Variants in C7 observed in about 807,000 individuals in gnomAD.
C7 encodes complement C7.
A neutral mutation model predicts 104.8 loss-of-function variants in C7; 83 were observed. That is an observed-to-expected ratio of 0.79 (90% CI 0.66 to 0.95). The LOEUF (loss-of-function observed/expected upper bound fraction) is 0.95, where lower values mean the gene tolerates loss of function less well. C7 is among the 40% of genes least tolerant of loss of function. The probability of loss-of-function intolerance (pLI) is 0.00; values close to 1 mark genes in which losing one functional copy is unlikely to be tolerated. For missense variants in C7, 1,070 were observed against 1,011.2 expected (o/e 1.06, Z -0.79); for synonymous variants, 415 against 360.6 (o/e 1.15, Z -1.71).
At chr5:40,938,127 C>A (rs1033428126) in intron 6 of C7, among the ~76,000 whole-genome samples, 1 of 152,064 alleles carries the variant, frequency 6.6e-6, no homozygotes, top group Non-Finnish European at 1.5e-5. Context: ...TTGAAGAAAA[C>A]TGCCCTTATA....
intron 8 of C7, 40 bp from the exon 9 acceptor site, chr5:40,949,864 G>A (rs1444105393): frequency 8.8e-6 from 11 of 1,243,558 alleles, no homozygotes; most frequent in Non-Finnish European, 1.3e-5. Flanking sequence ...TTCAAGGAAT[G>A]CAGAAATTAA....
intron 1 of C7, among the ~76,000 whole-genome samples, chr5:40,919,285 C>T (rs1435053315): frequency 6.6e-6 from 1 of 151,958 alleles, no homozygotes; most frequent in Admixed American, 6.6e-5. Flanking sequence ...CCACCACATC[C>T]AGTTAATTTT....
At chr5:40,947,266 AT>A (rs1740069581) in intron 7 of C7, among the ~76,000 whole-genome samples, 1 of 151,162 alleles carries the variant, frequency 6.6e-6, no homozygotes, top group South Asian at 2.1e-4. Flanking sequence ...TGGCAGGATA[AT>A]TTTTGTATTT....
intron 9 of C7, 59 bp from the exon 10 acceptor site, chr5:40,955,328 G>T: frequency 6.6e-7 from 1 of 1,509,130 alleles, no homozygotes; most frequent in Non-Finnish European, 9.0e-7. Flanking sequence ...CATACAATTT[G>T]ATAGTTTTTT....
intron 12 of C7, among the ~76,000 whole-genome samples, chr5:40,960,131 G>T (rs1274812601): frequency 4.6e-5 from 7 of 152,080 alleles, no homozygotes; most frequent in Middle Eastern, 3.4e-3. Flanking sequence ...TATCTTGGTG[G>T]GTAAACCCAG....
Position 40,936,474 on chromosome 5 carries a change from T to A in C7, c.417T>A (p.Leu139=). 1 of 1,613,006 alleles carries A rather than the reference T, an allele frequency of 6.2e-7. No homozygotes were observed. Among genetic ancestry groups the A allele is most frequent in the Non-Finnish European group, 8.5e-7 (1 of 1,179,336 alleles). ...ATAAACCTCCTCCTAACATAGAACTTACTGGAAATGGGTAAGGTGCTGGGC... is the reference window on the plus strand; with the variant it reads ...ATAAACCTCCTCCTAACATAGAACTAACTGGAAATGGGTAAGGTGCTGGGC... The part of the protein sequence containing the change: ...DIDKPPPNIE[L]TGNGYNELTG... Residue 139 remains leucine, a synonymous_variant, in exon 5 of 18, where the codon CTT becomes CTA. Coordinates refer to ENST00000313164, the MANE Select transcript of C7 (RefSeq NM_000587.4).
Position 40,979,858 on chromosome 5 carries a change from G to A in C7, c.2299G>A (p.Ala767Thr), listed in dbSNP as rs1261586501. The A allele has an allele frequency of 8.7e-6, 14 of 1,608,082 alleles. No individual in the cohort carries two copies. The highest frequency in any genetic ancestry group is 1.1e-5 in the Non-Finnish European group (13 of 1,176,862). ...TGGTAGGGACAGCTGTACTCTGCCT[G>A]CCTCAGCTGAGAAAGCTTGTGGTGC... The part of the protein sequence containing the change: ...LTGRDSCTLP[A>T]SAEKACGACP... The change falls in exon 17 of 18, where the codon GCC (alanine) becomes ACC (threonine). Residue 767 changes from alanine to threonine, a missense_variant. Ala to Thr is a moderately conservative substitution (Grantham distance 58, BLOSUM62 0). Transcript: ENST00000313164.
chr5:40,972,236 C>G (rs1740713012), intron 14 of C7, among the ~76,000 whole-genome samples, 167 bp from the exon 15 acceptor site: 1 of 152,108 alleles, frequency 6.6e-6, no homozygotes, highest in Admixed American at 6.6e-5. Flanking sequence ...ACGTGCCAGG[C>G]TCTGTGTGAC....
At chr5:40,962,927 A>G (rs1740453540) in intron 13 of C7, among the ~76,000 whole-genome samples, 1 of 152,134 alleles carries the variant, frequency 6.6e-6, no homozygotes, top group Admixed American at 6.5e-5. Flanking sequence ...TGTTTCCCCA[A>G]ATGTAGGCAC....
At chr5:40,980,622 T>A (rs1740922373) in intron 17 of C7, among the ~76,000 whole-genome samples, 1 of 152,228 alleles carries the variant, frequency 6.6e-6, no homozygotes, top group African/African-American at 2.4e-5. Context: ...GTGGAATGGC[T>A]GGGTCTCCAG....
At chr5:40,946,680 T>C (rs1740056593) in intron 7 of C7, among the ~76,000 whole-genome samples, 1 of 152,156 alleles carries the variant, frequency 6.6e-6, no homozygotes, top group Non-Finnish European at 1.5e-5. Context: ...CACATTATTT[T>C]ATATACTTAT....
At chr5:40,932,693 G>A (rs1038259402) in intron 3 of C7, among the ~76,000 whole-genome samples, 2 of 152,178 alleles carry the variant, frequency 1.3e-5, no homozygotes, top group Admixed American at 6.5e-5. Context: ...ACAAGCAAAG[G>A]TCAAAGAAAC....
At chr5:40,962,474 G>A (rs76510879) in intron 13 of C7, among the ~76,000 whole-genome samples, 4 of 152,062 alleles carry the variant, frequency 2.6e-5, no homozygotes, top group African/African-American at 7.2e-5. Context: ...ACCAAACTGC[G>A]AATCTACAAG....
chr5:40,937,406 A>C (rs531481608), intron 5 of C7, 146 bp from the exon 6 acceptor site: 8 of 698,986 alleles, frequency 1.1e-5, no homozygotes, highest in Non-Finnish European at 1.8e-5. Context: ...TGTGCTCTTC[A>C]TTTGAACTCT....
In C7 at chr5:40,959,488, G is replaced by A. The variant is rs199971709; in HGVS notation, c.1529G>A (p.Ser510Asn). The A allele has an allele frequency of 3.8e-5, 62 of 1,611,386 alleles. 2 individuals carry two copies. In the Admixed American group the frequency reaches 1.0e-3, roughly 27 times the overall value. Residue 510 changes from serine (S) to asparagine (N), a missense_variant, in exon 12 of 18, where the codon AGC becomes AAC. Transcript: ENST00000313164. Reference protein sequence around the residue: ...DGGWSCWSSWSPCVQGKKTRS... With the variant: ...DGGWSCWSSWNPCVQGKKTRS... ...GGTTGGAGTTGCTGGTCCTCTTGGA[G>A]CCCCTGTGTCCAAGGGAAGAAAACA... is the stretch of plus-strand genomic sequence containing the variant.
In C7 at chr5:40,976,826, G is replaced by A; in HGVS notation, c.2151G>A (p.Met717Ile). ...KLQNSRCVCKMPYECGPSLDV... is the reference protein window; with the variant it reads ...KLQNSRCVCKIPYECGPSLDV... ...AGAATTCAAGATGTGTTTGTAAAAT[G>A]CCCTACGAATGTGGGTAAGTGCCGC... is the stretch of plus-strand genomic sequence containing the variant. Residue 717 changes from methionine to isoleucine, a missense_variant, in exon 16 of 18, where the codon ATG becomes ATA. Transcript: ENST00000313164. 2.5e-6 allele frequency: 4 copies of A among 1,604,270 alleles called. No homozygotes were observed. The highest frequency in any genetic ancestry group is 3.4e-6 in the Non-Finnish European group (4 of 1,174,926).
intron 1 of C7, 91 bp from the exon 2 acceptor site, chr5:40,928,489 C>T (rs1739605688): frequency 4.2e-6 from 3 of 718,612 alleles, no homozygotes; most frequent in South Asian, 1.9e-5. Flanking sequence ...TCACTTTGTA[C>T]CCCATAAATT....
chr5:40,935,805 G>A (rs1010741192), intron 4 of C7, among the ~76,000 whole-genome samples: 3 of 152,178 alleles, frequency 2.0e-5, no homozygotes, highest in African/African-American at 7.2e-5. Flanking sequence ...TGTCTTTGTA[G>A]TATTTCCTAT....
rs865851574 is a variant in C7, at chr5:40,945,213, G to A, written c.583G>A (p.Asp195Asn). 1.3e-6 allele frequency: 2 copies of A among 1,486,692 alleles called. No individual in the cohort carries two copies. Among genetic ancestry groups the A allele is most frequent in the Admixed American group, 4.7e-5 (2 of 42,456 alleles). 92.1% of individuals were successfully genotyped at this position (1,486,692 alleles called of 1,614,324 possible). A position where few individuals can be genotyped will look rare whatever the true frequency, so the allele number is the denominator to read the frequency against. ...TTCTTTGTAGGTGAAAATAAATAAT[G>A]ATTTTAATTATGAATTTTACAATAG... Reference protein sequence around the residue: ...SYTFQVKINNDFNYEFYNSTW... With the variant: ...SYTFQVKINNNFNYEFYNSTW... Residue 195 changes from aspartate (D) to asparagine (N), a missense_variant, in exon 7 of 18, where the codon GAT becomes AAT. Coordinates refer to ENST00000313164, the MANE Select transcript of C7 (RefSeq NM_000587.4).
Sources: gnomAD v4.1 joint callset for allele counts (sites outside exome capture counted in the v4.1 genomes callset) on GRCh38, gnomAD v4.1.1 for gene constraint, MANE v1.5 for transcripts, NCBI Gene and HGNC (gene_info 2026-07-23, HGNC 2026-07-21) for gene names.